Variants in TOGARAM2 observed in about 807,000 individuals in gnomAD.
TOGARAM2 encodes TOG array regulator of axonemal microtubules protein 2.
A neutral mutation model predicts 93.3 loss-of-function variants in TOGARAM2; 85 were observed. The observed-to-expected ratio is 0.91, with a 90% CI of 0.76 to 1.09. The LOEUF is 1.09. Ranked by LOEUF, TOGARAM2 falls within the 50% of genes least tolerant of loss-of-function variation. The pLI is 0.00. For synonymous variants in TOGARAM2, 593 were observed against 552.8 expected, an observed-to-expected ratio of 1.07 and a Z score of -1.02; for missense variants, 1,277 against 1,334.5, an observed-to-expected ratio of 0.96 and a Z score of 0.67.
intron 1 of TOGARAM2, among the ~76,000 whole-genome samples, chr2:28,975,625 A>G (rs1019845094): frequency 6.6e-6 from 1 of 152,218 alleles, no homozygotes; most frequent in African/African-American, 2.4e-5. Flanking sequence ...GCGCTGCATC[A>G]TTGATTGCCT....
intron 10 of TOGARAM2, 58 bp downstream of exon 10, chr2:29,018,014 C>T (rs1456894495): frequency 9.3e-6 from 14 of 1,502,110 alleles, no homozygotes; most frequent in Non-Finnish European, 1.3e-5. Flanking sequence ...CCTCAGGATG[C>T]CCTGAGGCAT....
rs1665176828 is a variant in TOGARAM2 at position 29,024,248 on chromosome 2, G to C, written c.1727G>C (p.Cys576Ser). Residue 576 changes from cysteine to serine, a missense_variant, in exon 13 of 20, where the codon TGC becomes TCC. Cys to Ser is a moderately radical substitution (Grantham distance 112, BLOSUM62 -1). Coordinates refer to ENST00000379558, the MANE Select transcript of TOGARAM2 (RefSeq NM_199280.4). The stretch of plus-strand genomic sequence containing the variant: ...CAGGAGGCCGAGGAGATCGCCCGCT[G>C]CTTGCTGCAGAAGATGGCGGACACC... ...MDQEAEEIARCLLQKMADTNE... is the reference protein window; with the variant it reads ...MDQEAEEIARSLLQKMADTNE... The C allele has an allele frequency of 1.2e-6, 2 of 1,612,326 alleles. No homozygotes were observed. Among genetic ancestry groups the C allele is most frequent in the East Asian group, 4.5e-5 (2 of 44,816 alleles).
intron 7 of TOGARAM2, among the ~76,000 whole-genome samples, chr2:29,011,762 T>C (rs1664263800): frequency 6.6e-6 from 1 of 152,158 alleles, no homozygotes; most frequent in Non-Finnish European, 1.5e-5. Context: ...TTGTGCAGCT[T>C]GCCACGGCCT....
chr2:29,042,873 T>C (rs1481025704), intron 18 of TOGARAM2, among the ~76,000 whole-genome samples: 2 of 152,254 alleles, frequency 1.3e-5, no homozygotes, highest in Non-Finnish European at 2.9e-5. Context: ...GGCCAAGGCA[T>C]GGCCTTCCCA....
intron 15 of TOGARAM2, 51 bp downstream of exon 15, chr2:29,033,102 A>G (rs562360243): frequency 4.7e-6 from 7 of 1,493,350 alleles, no homozygotes; most frequent in African/African-American, 1.4e-5. Context: ...TGGGGGTGAC[A>G]GTGCTGAGCC....
At position 29,023,147 on chromosome 2, in the gene TOGARAM2, C is replaced by T; in HGVS notation, c.1573C>T (p.Leu525Phe). The change falls in exon 12 of 20, where the codon CTC becomes TTC. Residue 525 changes from leucine (L) to phenylalanine (F), a missense_variant. Leu to Phe is a conservative substitution (Grantham distance 22, BLOSUM62 0). Transcript: ENST00000379558. ...QRLAACHSEV[L>F]TGKLHDVCLV... ...CTTGGCAGCCTGTCACTCAGAGGTC[C>T]TCACCGGGAAGCTGCACGACGTGTG... is the stretch of plus-strand genomic sequence containing the variant. 6.2e-7 allele frequency: 1 copy of T among 1,601,816 alleles called. No individual in the cohort carries two copies.
At chr2:28,994,701 TCTC>T (rs1672907362) in intron 1 of TOGARAM2, 21 bp from the exon 2 acceptor site, 2 of 833,476 alleles carry the variant, frequency 2.4e-6, no homozygotes, top group Admixed American at 2.6e-5. Context: ...TTTACTGACT[TCTC>T]CTTTCTCCTC....
intron 18 of TOGARAM2, among the ~76,000 whole-genome samples, chr2:29,041,366 C>T: frequency 6.6e-6 from 1 of 152,208 alleles, no homozygotes; most frequent in South Asian, 2.1e-4. Context: ...TGCATCATAA[C>T]TTGCATGTTT....
chr2:29,039,270 T>A (rs905679377), intron 18 of TOGARAM2, among the ~76,000 whole-genome samples: 6 of 152,212 alleles, frequency 3.9e-5, no homozygotes, highest in African/African-American at 1.4e-4. Context: ...TCCTTCTTCA[T>A]GCTCCATAAG....
chr2:29,002,917 T>C (rs976274980), intron 5 of TOGARAM2, among the ~76,000 whole-genome samples, 170 bp downstream of exon 5: 2 of 152,136 alleles, frequency 1.3e-5, no homozygotes, highest in African/African-American at 4.8e-5. Context: ...CTCAAGGTGC[T>C]CATTTCACCA....
rs1171438547 is a variant in TOGARAM2 at position 29,026,909 on chromosome 2, A to G, written c.1910A>G (p.Glu637Gly). 7 of 1,590,380 alleles carry G rather than the reference A, an allele frequency of 4.4e-6. No individual in the cohort carries two copies. The highest frequency in any genetic ancestry group is 1.3e-5 in the African/African-American group (1 of 74,442). Reference sequence around the variant, plus strand: ...GCTGAGCACCTCTCAGCTGTGCTGGAGCAGATCGGCGCTGAGAAGCTTCTC... The same window carrying G: ...GCTGAGCACCTCTCAGCTGTGCTGGGGCAGATCGGCGCTGAGAAGCTTCTC... Reference protein sequence around the residue: ...YAAEHLSAVLEQIGAEKLLSG... With the variant: ...YAAEHLSAVLGQIGAEKLLSG... Residue 637 changes from glutamate to glycine, a missense_variant, in exon 14 of 20, where the codon GAG (glutamate) becomes GGG (glycine). Transcript: ENST00000379558.
intron 19 of TOGARAM2, chr2:29,047,974 A>AG (rs1666846038): frequency 2.0e-5 from 3 of 152,156 alleles, no homozygotes; most frequent in Admixed American, 1.3e-4. Context: ...GATAGTTCTC[A>AG]CTTTTCCCTG....
At chr2:28,992,773 G>A (rs781117574) in intron 1 of TOGARAM2, among the ~76,000 whole-genome samples, 6 of 152,182 alleles carry the variant, frequency 3.9e-5, no homozygotes, top group African/African-American at 9.7e-5. Context: ...AAAATCAGAA[G>A]TTAAGGCTGG....
intron 14 of TOGARAM2, among the ~76,000 whole-genome samples, chr2:29,030,663 G>A (rs540076729): frequency 4.6e-5 from 7 of 152,118 alleles, no homozygotes; most frequent in South Asian, 2.1e-4. Flanking sequence ...ACTGTACTCC[G>A]GGGATTCTCC....
At chr2:29,034,349 G>A (rs767295886) in intron 16 of TOGARAM2, among the ~76,000 whole-genome samples, 1 of 152,212 alleles carries the variant, frequency 6.6e-6, no homozygotes, top group Non-Finnish European at 1.5e-5. Context: ...TCTCCAGGAA[G>A]CTCTACCACT....
intron 18 of TOGARAM2, among the ~76,000 whole-genome samples, chr2:29,039,201 A>G (rs1558465265): frequency 6.6e-6 from 1 of 152,134 alleles, no homozygotes. Context: ...CCCTCTTGGA[A>G]GTGGCTTGGA....
intron 2 of TOGARAM2, among the ~76,000 whole-genome samples, chr2:28,996,557 C>T (rs561458805): frequency 1.3e-5 from 2 of 152,168 alleles, no homozygotes; most frequent in East Asian, 3.9e-4. Flanking sequence ...AGTGGTGGCT[C>T]ACATCTGTAA....
intron 14 of TOGARAM2, 83 bp downstream of exon 14, chr2:29,027,094 T>G (rs1267929955): frequency 7.4e-7 from 1 of 1,354,884 alleles, no homozygotes; most frequent in Non-Finnish European, 9.8e-7. Flanking sequence ...AGCTTCAGCT[T>G]CCCTGGGATC....
intron 10 of TOGARAM2, among the ~76,000 whole-genome samples, chr2:29,019,989 A>T (rs1353697385): frequency 6.6e-6 from 1 of 152,236 alleles, no homozygotes; most frequent in African/African-American, 2.4e-5. Context: ...CTTCCGCAGA[A>T]GGCTGCTGCT....
Sources: allele counts gnomAD v4.1 joint callset (sites outside exome capture counted in the v4.1 genomes callset), GRCh38; gene constraint gnomAD v4.1.1; transcripts MANE v1.5; gene names NCBI Gene and HGNC (gene_info 2026-07-23, HGNC 2026-07-21).